CROCC2: variants seen among roughly 807,000 people sequenced by gnomAD.
CROCC2 encodes the protein ciliary rootlet coiled-coil protein 2.
Under a neutral mutation model 177.6 loss-of-function variants are expected in CROCC2, and 163 were observed. The observed-to-expected ratio is 0.92, with a 90% CI of 0.81 to 1.05. CROCC2 has a LOEUF of 1.05. Among genes scored for constraint, CROCC2 ranks in the 50% least tolerant of loss-of-function variants. The probability of loss-of-function intolerance (pLI) is 0.00; values close to 1 mark genes in which losing one functional copy is unlikely to be tolerated. For synonymous variants in CROCC2, 904 were observed against 787.3 expected (o/e 1.15, Z -2.48); for missense variants, 1,929 against 1,797.8 (o/e 1.07, Z -1.32).
At chr2:240,962,579 T>C (rs2059650690) in intron 20 of CROCC2, among the ~76,000 whole-genome samples, 2 of 152,142 alleles carry the variant, frequency 1.3e-5, no homozygotes, top group South Asian at 2.1e-4. Context: ...GTCGGGGGCC[T>C]GGACAATATC....
chr2:240,961,819 A>ACACT (rs751539432), intron 20 of CROCC2, among the ~76,000 whole-genome samples: 4,593 of 35,162 alleles, frequency 0.13, 794 homozygotes, highest in Admixed American at 0.23. Flanking sequence ...ACATACACTC[A>ACACT]CACACACGCA....
Position 240,959,548 on chromosome 2 carries a change from C to G in CROCC2, c.3087+104C>G, listed in dbSNP as rs1203191625. 1.9e-5 allele frequency: 26 copies of G among 1,393,768 alleles called. No homozygotes were observed. In the South Asian group the frequency reaches 3.0e-4, roughly 16 times the overall value. 86.3% of individuals were successfully genotyped at this position (1,393,768 alleles called of 1,614,324 possible). A position where few individuals can be genotyped will look rare whatever the true frequency, so the allele number is the denominator to read the frequency against. On this transcript the variant is annotated intron_variant, in intron 20 of 31. Coordinates refer to ENST00000690015, the MANE Select transcript of CROCC2 (RefSeq NM_001351305.2). ...TGGGGGTGCCAGGAGGAAAGAGAGG[C>G]TGTACCACAGAGAAGGGAAGAGTAG...
At chr2:240,969,214 G>T (rs918274403) in intron 27 of CROCC2, among the ~76,000 whole-genome samples, 11 of 152,234 alleles carry the variant, frequency 7.2e-5, no homozygotes, top group African/African-American at 2.7e-4. Context: ...GGCCTTGCAG[G>T]TTGGCAGAAA....
intron 27 of CROCC2, among the ~76,000 whole-genome samples, chr2:240,970,853 C>T (rs2059715508): frequency 6.6e-6 from 1 of 152,174 alleles, no homozygotes; most frequent in African/African-American, 2.4e-5. Context: ...CCCCCAGTCC[C>T]ATAGGTGAGA....
In CROCC2 at chr2:240,967,461, A is replaced by T; in HGVS notation, c.4263A>T (p.Glu1421Asp). 1 of 1,507,578 alleles carries T rather than the reference A, an allele frequency of 6.6e-7. No homozygotes were observed. Among genetic ancestry groups the T allele is most frequent in the African/African-American group, 1.4e-5 (1 of 72,234 alleles). The allele number at this position is 1,507,578 out of a possible 1,614,324, so 93.4% of individuals were successfully genotyped here. ...TGCAGAAAGCCCTGGCTGAGGCGGAAGAAGGTGACCTCCCTTGCCCTGCCC... is the reference window on the plus strand; with the variant it reads ...TGCAGAAAGCCCTGGCTGAGGCGGATGAAGGTGACCTCCCTTGCCCTGCCC... Reference protein sequence around the residue: ...GQLQKALAEAEEGQRRVEGAL... With the variant: ...GQLQKALAEADEGQRRVEGAL... Residue 1421 changes from glutamate (E) to aspartate (D), a missense_variant, in exon 26 of 32, where the codon GAA becomes GAT. Coordinates refer to ENST00000690015, the MANE Select transcript of CROCC2 (RefSeq NM_001351305.2).
intron 1 of CROCC2, among the ~76,000 whole-genome samples, chr2:240,916,064 G>C (rs2059318256): frequency 6.6e-6 from 1 of 152,140 alleles, no homozygotes; most frequent in African/African-American, 2.4e-5. Context: ...GCCTGTACCC[G>C]CCGGCGCAGG....
rs1012782766 is a variant in CROCC2, at chr2:240,973,427, G to A, written c.4401+5165G>A. ...CACAGCCTCATGCCCGCTCAGAAAGGCCCCCCATGCCACCCTTGGACTGGC... is the reference window on the plus strand; with the variant it reads ...CACAGCCTCATGCCCGCTCAGAAAGACCCCCCATGCCACCCTTGGACTGGC... On this transcript the variant is annotated intron_variant, in intron 27 of 31. Transcript: ENST00000690015. The surrounding 1 kb of genome is among the most constrained non-coding windows in gnomAD (Gnocchi z 4.7). Among the ~76,000 whole-genome samples the A allele has an allele frequency of 6.6e-6, 1 of 151,876 alleles. No individual in the cohort carries two copies. The highest frequency in any genetic ancestry group is 1.5e-5 in the Non-Finnish European group (1 of 67,982).
chr2:240,946,463 G>A (rs904025034), intron 15 of CROCC2, among the ~76,000 whole-genome samples: 1 of 152,242 alleles, frequency 6.6e-6, no homozygotes, highest in African/African-American at 2.4e-5. Context: ...AAGCGCTGGG[G>A]TCACCCTCCT....
At chr2:240,966,156 G>A (rs904611749) in intron 24 of CROCC2, 69 bp from the exon 25 acceptor site, 3 of 1,242,330 alleles carry the variant, frequency 2.4e-6, no homozygotes, top group Non-Finnish European at 3.0e-6. Context: ...GCAGCAGAGA[G>A]GAAAGGGGAA....
At position 240,917,663 on chromosome 2, in the gene CROCC2, A is replaced by G. The variant is rs1178809231; in HGVS notation, c.79-1063A>G. Among the ~76,000 whole-genome samples, 1 of 152,116 alleles carries G rather than the reference A, an allele frequency of 6.6e-6. No individual in the cohort carries two copies. The highest frequency in any genetic ancestry group is 1.5e-5 in the Non-Finnish European group (1 of 67,968). On this transcript the variant is annotated intron_variant, in intron 1 of 31. Coordinates refer to ENST00000690015, the MANE Select transcript of CROCC2 (RefSeq NM_001351305.2). This position sits in a 1 kb window ranked among gnomAD's most constrained non-coding sequence, Gnocchi z 4.9. ...GGACTTGGGTGGACTCTGGCGTGCC[A>G]TGCTGGAGAGCCCTAGGAGTGGACA...
At position 240,968,236 on chromosome 2, in the gene CROCC2, G is replaced by A. The variant is rs761406206; in HGVS notation, c.4375G>A (p.Ala1459Thr). Residue 1459 changes from alanine to threonine, a missense_variant, in exon 27 of 32, where the codon GCA becomes ACA. Ala to Thr is a moderately conservative substitution (Grantham distance 58). Around this residue, in one of 3 missense-constraint regions of CROCC2, gnomAD observed 388 missense variants for 352.7 expected, o/e 1.10. Coordinates refer to ENST00000690015, the MANE Select transcript of CROCC2 (RefSeq NM_001351305.2). ...ELEHLASVRAAGQEKRRLQEQ... is the reference protein window; with the variant it reads ...ELEHLASVRATGQEKRRLQEQ... Reference sequence around the variant, plus strand: ...GGAGCACCTGGCGAGCGTGCGTGCGGCAGGCCAGGAGAAGCGGCGGCTGCA... The same window carrying A: ...GGAGCACCTGGCGAGCGTGCGTGCGACAGGCCAGGAGAAGCGGCGGCTGCA... 27 of 1,532,486 alleles carry A rather than the reference G, an allele frequency of 1.8e-5. No individual in the cohort carries two copies. The highest frequency in any genetic ancestry group is 2.1e-5 in the Non-Finnish European group (24 of 1,145,198). The allele number at this position is 1,532,486 out of a possible 1,614,324, so 94.9% of individuals were successfully genotyped here.
At position 240,958,167 on chromosome 2, in the gene CROCC2, C is replaced by A. The variant is rs559087026; in HGVS notation, c.2944-1134C>A. 5 of 985,404 alleles carry A rather than the reference C, an allele frequency of 5.1e-6. No homozygotes were observed. Among genetic ancestry groups the A allele is most frequent in the Non-Finnish European group, 3.6e-6 (3 of 829,908 alleles). The allele number at this position is 985,404 out of a possible 1,614,324, so 61.0% of individuals were successfully genotyped here. A position where few individuals can be genotyped will look rare whatever the true frequency, so the allele number is the denominator to read the frequency against. Reference sequence around the variant, plus strand: ...GGAATGCCGGCCAAGGAGCACCAGGCGCCAGATGACAGGACAGCGTGCGCC... The same window carrying A: ...GGAATGCCGGCCAAGGAGCACCAGGAGCCAGATGACAGGACAGCGTGCGCC... On this transcript the variant is annotated intron_variant, in intron 19 of 31. Transcript: ENST00000690015. The surrounding 1 kb of genome is among the most constrained non-coding windows in gnomAD (Gnocchi z 6.7).
Position 240,968,260 on chromosome 2 carries a change from C to A in CROCC2, c.4399C>A (p.Gln1467Lys), listed in dbSNP as rs529218779. The A allele has an allele frequency of 3.1e-4, 479 of 1,527,208 alleles. No homozygotes were observed. In the African/African-American group the frequency reaches 4.4e-3, roughly 14 times the overall value. 94.6% of individuals were successfully genotyped at this position (1,527,208 alleles called of 1,614,324 possible). Residue 1467 changes from glutamine to lysine, a missense_variant and splice_region_variant, in exon 27 of 32, where the codon CAG (glutamine) becomes AAG (lysine). Gln to Lys is a moderately conservative substitution (Grantham distance 53). Transcript: ENST00000690015. ...RAAGQEKRRLQEQLETLRQAL... is the reference protein window; with the variant it reads ...RAAGQEKRRLKEQLETLRQAL... ...GGCAGGCCAGGAGAAGCGGCGGCTG[C>A]AGGTGGGGCAGGCGGCAGGGTGGGT...
rs534982706 is a variant in CROCC2 at position 240,973,293 on chromosome 2, GCAGGACCAGCCCGTGGTGT to G, written c.4401+5038_4401+5056del. Among the ~76,000 whole-genome samples the G allele has an allele frequency of 3.9e-5, 6 of 152,310 alleles. No individual in the cohort carries two copies. In the South Asian group the frequency reaches 1.0e-3, roughly 26 times the overall value. ...CCTGGGAATTCAATAGAACAGCCGT[GCAGGACCAGCCCGTGGTGT>G]CAGGACACGCACGGAACGCAGCAGC... On this transcript the variant is annotated intron_variant, in intron 27 of 31. Transcript: ENST00000690015. This position sits in a 1 kb window ranked among gnomAD's most constrained non-coding sequence, Gnocchi z 4.7.
intron 18 of CROCC2, 67 bp from the exon 19 acceptor site, chr2:240,955,792 A>G: frequency 9.0e-7 from 1 of 1,108,158 alleles, no homozygotes. Flanking sequence ...GCCTCTCCTT[A>G]GAGGGGGGCC....
chr2:240,953,903 G>A lies in CROCC2; in HGVS notation c.2830-1956G>A, dbSNP rs73107830. ...TGTTTGCAAAGTGAAGCTCTCACCC[G>A]AGAGAACGACACGCTTCTATATTTG... On this transcript the variant is annotated intron_variant, in intron 18 of 31. Transcript: ENST00000690015. This position sits in a 1 kb window ranked among gnomAD's most constrained non-coding sequence, Gnocchi z 4.0. 9.4e-3 allele frequency among the ~76,000 whole-genome samples: 1,426 copies of A among 152,228 alleles called. 14 individuals carry two copies. The highest frequency in any genetic ancestry group is 0.032 in the African/African-American group (1,341 of 41,514).
chr2:240,991,816 A>G (rs2059881579), intron 31 of CROCC2, among the ~76,000 whole-genome samples: 1 of 152,212 alleles, frequency 6.6e-6, no homozygotes, highest in Non-Finnish European at 1.5e-5. Flanking sequence ...AGCTCTGTAA[A>G]CACGGGAAAA....
At chr2:240,967,026 C>T (rs56179576) in intron 25 of CROCC2, among the ~76,000 whole-genome samples, 4,984 of 152,226 alleles carry the variant, frequency 0.033, 287 homozygotes, top group African/African-American at 0.11. Context: ...CAGCCCCTAC[C>T]GGTCCCCCTG....
chr2:240,914,260 C>G (rs995474103), intron 1 of CROCC2, among the ~76,000 whole-genome samples: 4 of 152,206 alleles, frequency 2.6e-5, no homozygotes, highest in African/African-American at 9.6e-5. Context: ...TGAGCAGGTG[C>G]TCTTGAGCAA....
Sources: gnomAD v4.1 joint callset for allele counts (sites outside exome capture counted in the v4.1 genomes callset) on GRCh38, gnomAD v4.1.1 for gene constraint, gnomAD v4.1.1 regional missense constraint, Gnocchi (gnomAD v3.1) non-coding constraint, MANE v1.5 for transcripts, NCBI Gene and HGNC (gene_info 2026-07-23, HGNC 2026-07-21) for gene names.